NPIPB11: variants seen among roughly 807,000 people sequenced by gnomAD.
NPIPB11 encodes the protein nuclear pore complex interacting protein family member B11.
In NPIPB11, 17 loss-of-function variants were observed where a neutral mutation model predicts 32.8. The observed-to-expected ratio is 0.52, with a 90% CI of 0.35 to 0.78. The LOEUF is 0.78. Ranked by LOEUF, NPIPB11 falls within the 30% of genes least tolerant of loss-of-function variation. The probability of loss-of-function intolerance (pLI) is 0.01; values close to 1 mark genes in which losing one functional copy is unlikely to be tolerated. For missense variants in NPIPB11, 537 were observed against 1,000.4 expected (o/e 0.54, Z 6.25); for synonymous variants, 209 against 398.4 (o/e 0.52, Z 5.66).
chr16:29,400,852 G>C (rs1359015620), intron 2 of NPIPB11, among the ~76,000 whole-genome samples: 1 of 152,098 alleles, frequency 6.6e-6, no homozygotes, highest in African/African-American at 2.4e-5. Flanking sequence ...GGCAGGTGTA[G>C]GATCATCTGG....
intron 2 of NPIPB11, chr16:29,397,519 C>T (rs1471898147): frequency 3.7e-5 from 55 of 1,495,170 alleles, no homozygotes; most frequent in Non-Finnish European, 4.4e-5. Context: ...TGCCGCGTGA[C>T]ACAGCCCAGT....
rs1414185079 is a variant in NPIPB11, at chr16:29,396,972, A to G, written c.121-2896T>C. On this transcript the variant is annotated intron_variant, in intron 2 of 7. Coordinates refer to ENST00000524087, the Ensembl canonical transcript of NPIPB11. ...AGACTATCCTGGCGAACATGGTGAAACCCCGTCTCTACTAAAAACACAAAA... is the reference window on the plus strand; with the variant it reads ...AGACTATCCTGGCGAACATGGTGAAGCCCCGTCTCTACTAAAAACACAAAA... Among the ~76,000 whole-genome samples the G allele has an allele frequency of 3.3e-5, 5 of 151,766 alleles. No individual in the cohort carries two copies. In the East Asian group the frequency reaches 7.8e-4, roughly 24 times the overall value.
At chr16:29,405,595 C>T (rs992081242), upstream of NPIPB11, among the ~76,000 whole-genome samples, 1 of 152,146 alleles carries the variant, frequency 6.6e-6, no homozygotes, top group Non-Finnish European at 1.5e-5. Flanking sequence ...ATGAAGCACT[C>T]TGTCCAATGT....
chr16:29,390,386 G>A (rs1201739456), intron 3 of NPIPB11, 38 bp from the exon 4 acceptor site: 1 of 1,584,214 alleles, frequency 6.3e-7, no homozygotes, highest in South Asian at 1.1e-5. Context: ...GCTGGGCACG[G>A]TGGCTCATGC....
At chr16:29,406,605 T>A (rs1196638969), upstream of NPIPB11, among the ~76,000 whole-genome samples, 3 of 152,046 alleles carry the variant, frequency 2.0e-5, no homozygotes, top group Non-Finnish European at 4.4e-5. Flanking sequence ...TCTCAGCTAC[T>A]CGGGAGGCTG....
chr16:29,397,558 G>A (rs1411613832), intron 2 of NPIPB11: 153 of 1,527,322 alleles, frequency 1.0e-4, no homozygotes, highest in Middle Eastern at 9.4e-4. Context: ...AGGGTCCAGC[G>A]TCTACTCACA....
chr16:29,390,751 G>T (rs1425443559), intron 3 of NPIPB11, among the ~76,000 whole-genome samples: 1 of 151,556 alleles, frequency 6.6e-6, no homozygotes, highest in Non-Finnish European at 1.5e-5. Context: ...ATCACCTGAG[G>T]TCGGGAGTTT....
chr16:29,394,016 A>C, exon 3 of NPIPB11: 2 of 1,599,524 alleles, frequency 1.3e-6, no homozygotes, highest in Non-Finnish European at 1.7e-6. Flanking sequence ...ATAATATGTA[A>C]CCAAGGACTT....
intron 2 of NPIPB11, among the ~76,000 whole-genome samples, chr16:29,402,758 G>T (rs1432053780): frequency 2.1e-5 from 3 of 145,628 alleles, no homozygotes; most frequent in Admixed American, 6.7e-5. Flanking sequence ...GTGTGTGTGT[G>T]TGTGTGTATC....
chr16:29,399,558 G>A (rs1182939923), intron 2 of NPIPB11, among the ~76,000 whole-genome samples: 2 of 150,278 alleles, frequency 1.3e-5, no homozygotes, highest in African/African-American at 2.5e-5. Flanking sequence ...AATTAGCCGG[G>A]TGTGGTGGTG....
intron 3 of NPIPB11, among the ~76,000 whole-genome samples, chr16:29,390,736 G>T (rs1468321373): frequency 6.6e-6 from 1 of 151,898 alleles, no homozygotes; most frequent in African/African-American, 2.4e-5. Context: ...GGCTGAGGCA[G>T]GCGGATCACC....
chr16:29,394,262 G>A (rs1004866031), intron 2 of NPIPB11, among the ~76,000 whole-genome samples, 186 bp from the exon 3 acceptor site: 9 of 152,066 alleles, frequency 5.9e-5, no homozygotes, highest in Non-Finnish European at 8.8e-5. Flanking sequence ...TCAGATGGCT[G>A]GTAGTGTTTT....
At chr16:29,390,429 G>C (rs1342862139) in intron 3 of NPIPB11, 81 bp from the exon 4 acceptor site, 5 of 1,592,266 alleles carry the variant, frequency 3.1e-6, no homozygotes, top group Admixed American at 1.7e-5. Flanking sequence ...AGCTGAGGCA[G>C]GTGGATCACG....
intron 2 of NPIPB11, among the ~76,000 whole-genome samples, chr16:29,401,662 A>C (rs941556557): frequency 1.6e-4 from 24 of 152,058 alleles, no homozygotes; most frequent in Non-Finnish European, 2.8e-4. Flanking sequence ...AAGTGGATGT[A>C]CCCATGGGAT....
intron 4 of NPIPB11, 54 bp from the exon 5 acceptor site, chr16:29,390,190 T>A (rs1048706511): frequency 6.5e-7 from 1 of 1,546,438 alleles, no homozygotes; most frequent in African/African-American, 1.4e-5. Flanking sequence ...AAGAAGCTGT[T>A]CTTTCCCTTT....
At chr16:29,402,720 C>CTGTGTGTGTG (rs1262374948) in intron 2 of NPIPB11, among the ~76,000 whole-genome samples, 5 of 117,122 alleles carry the variant, frequency 4.3e-5, no homozygotes, top group East Asian at 6.7e-4. Context: ...CTCTCTCTCT[C>CTGTGTGTGTG]TCTCTGTGTG....
intron 3 of NPIPB11, among the ~76,000 whole-genome samples, chr16:29,392,355 TGTCCAA>T (rs1361649977): frequency 6.6e-6 from 1 of 151,606 alleles, no homozygotes; most frequent in Non-Finnish European, 1.5e-5. Flanking sequence ...GGTGCGAAGT[TGTCCAA>T]GTCCAACAGC....
At chr16:29,400,099 C>A (rs3867583) in intron 2 of NPIPB11, among the ~76,000 whole-genome samples, 1 of 151,458 alleles carries the variant, frequency 6.6e-6, no homozygotes, top group Non-Finnish European at 1.5e-5. Flanking sequence ...AAGAAGCCCT[C>A]GGATTTCGGT....
intron 2 of NPIPB11, among the ~76,000 whole-genome samples, chr16:29,394,669 C>G (rs1048874481): frequency 6.6e-6 from 1 of 151,992 alleles, no homozygotes; most frequent in Non-Finnish European, 1.5e-5. Context: ...TCCTGACAGG[C>G]GATCTGCCTG....
Sources: allele counts gnomAD v4.1 joint callset (sites outside exome capture counted in the v4.1 genomes callset), GRCh38; gene constraint gnomAD v4.1.1; transcripts MANE v1.5; gene names NCBI Gene and HGNC (gene_info 2026-07-23, HGNC 2026-07-21).